The following CCDC15 variants were observed in gnomAD, a reference collection of about 807,000 sequenced individuals.
The protein encoded by CCDC15 is coiled-coil domain-containing protein 15.
CCDC15 carries 105 observed loss-of-function variants against 114.5 expected under a neutral mutation model. The ratio of observed to expected loss-of-function variants is 0.92; its 90% CI spans 0.78 to 1.08. The LOEUF (loss-of-function observed/expected upper bound fraction) is 1.08. Among genes scored for constraint, CCDC15 ranks in the 50% least tolerant of loss-of-function variants. CCDC15 has a pLI of 0.00. For missense variants in CCDC15, 1,105 were observed against 1,093.6 expected (o/e 1.01, Z -0.15); for synonymous variants, 334 against 377.8 (o/e 0.88, Z 1.34).
chr11:124,982,188 CAT>C lies in CCDC15; in HGVS notation c.754-4551_754-4550del, dbSNP rs569416093. Among the ~76,000 whole-genome samples, 291 of 152,282 alleles carry C rather than the reference CAT, an allele frequency of 1.9e-3. 3 individuals carry two copies. Among genetic ancestry groups the C allele is most frequent in the Middle Eastern group, 6.8e-3 (2 of 294 alleles). Reference sequence around the variant, plus strand: ...TACTTTGAGCCTATTGGTGTCATTTCATATGAGATGAGTCTCTTGTAGACAGC... The same window carrying C: ...TACTTTGAGCCTATTGGTGTCATTTCATGAGATGAGTCTCTTGTAGACAGC... On this transcript the variant is annotated intron_variant, in intron 6 of 15. Coordinates refer to ENST00000344762, the MANE Select transcript of CCDC15 (RefSeq NM_025004.3).
intron 13 of CCDC15, among the ~76,000 whole-genome samples, chr11:125,033,050 T>C (rs932553527): frequency 6.6e-6 from 1 of 152,194 alleles, no homozygotes; most frequent in Non-Finnish European, 1.5e-5. Flanking sequence ...GTTGGTAGTA[T>C]AGTGGGGTCC....
At chr11:125,002,551 T>G (rs916114543) in intron 11 of CCDC15, among the ~76,000 whole-genome samples, 1 of 152,172 alleles carries the variant, frequency 6.6e-6, no homozygotes, top group African/African-American at 2.4e-5. Context: ...AGGCCTATGA[T>G]GCATTTTGAG....
In CCDC15 at chr11:125,038,515, A is replaced by C; in HGVS notation, c.2496A>C (p.Gly832=). ...RMNFHEDPYS[G]EKLSEILAQL... is the part of the protein sequence containing the mutation. Reference sequence around the variant, plus strand: ...ACTTTCATGAAGATCCATATTCAGGAGAGAAGTTGAGTGAGATATTAGCCC... The same window carrying C: ...ACTTTCATGAAGATCCATATTCAGGCGAGAAGTTGAGTGAGATATTAGCCC... The change falls in exon 14 of 16, where the codon GGA becomes GGC. Residue 832 remains glycine (G), a synonymous_variant. Coordinates refer to ENST00000344762, the MANE Select transcript of CCDC15 (RefSeq NM_025004.3). The C allele has an allele frequency of 6.3e-7, 1 of 1,586,986 alleles. No individual in the cohort carries two copies. The highest frequency in any genetic ancestry group is 1.2e-5 in the South Asian group (1 of 86,608).
intron 11 of CCDC15, among the ~76,000 whole-genome samples, chr11:125,002,074 C>T (rs571708209): frequency 1.4e-4 from 21 of 152,216 alleles, no homozygotes; most frequent in African/African-American, 5.1e-4. Flanking sequence ...TTGTTATTAT[C>T]TGTATTTTTA....
intron 13 of CCDC15, among the ~76,000 whole-genome samples, chr11:125,027,328 G>A (rs1948710068): frequency 6.6e-6 from 1 of 152,128 alleles, no homozygotes; most frequent in African/African-American, 2.4e-5. Flanking sequence ...GTTTTCCATA[G>A]TGGTTGCACT....
chr11:124,966,660 A>T (rs534357995), intron 4 of CCDC15, among the ~76,000 whole-genome samples: 29 of 152,238 alleles, frequency 1.9e-4, no homozygotes, highest in African/African-American at 7.0e-4. Flanking sequence ...TAATATTGTT[A>T]TGTGTGAATT....
In CCDC15 at chr11:124,959,206, G is replaced by A. The variant is rs1305927332; in HGVS notation, c.269G>A (p.Arg90Gln). The change falls in exon 3 of 16, where the codon CGA (arginine) becomes CAA (glutamine). Residue 90 changes from arginine (R) to glutamine (Q), a missense_variant. Arg to Gln is a conservative substitution (Grantham distance 43, BLOSUM62 1). Coordinates refer to ENST00000344762, the MANE Select transcript of CCDC15 (RefSeq NM_025004.3). ...LKHFQKQVKYRVNQQIRLRKK... is the reference protein window; with the variant it reads ...LKHFQKQVKYQVNQQIRLRKK... ...CATTTTCAGAAACAAGTTAAATACC[G>A]AGTAAATCAACAAATTAGGTTGAGA... 7 of 1,589,060 alleles carry A rather than the reference G, an allele frequency of 4.4e-6. No homozygotes were observed. Among genetic ancestry groups the A allele is most frequent in the East Asian group, 2.3e-5 (1 of 44,258 alleles).
intron 12 of CCDC15, 22 bp downstream of exon 12, chr11:125,003,981 GGAT>G: frequency 8.3e-7 from 1 of 1,205,004 alleles, no homozygotes; most frequent in Non-Finnish European, 1.1e-6. Context: ...TACTGCTTTT[GGAT>G]CCCAATATTT....
chr11:124,959,692 C>A, intron 3 of CCDC15, 123 bp from the exon 4 acceptor site: 1 of 674,416 alleles, frequency 1.5e-6, no homozygotes, highest in Non-Finnish European at 2.4e-6. Flanking sequence ...GTTTCTCTGC[C>A]AGCTAAAGCC....
At position 125,025,023 on chromosome 11, in the gene CCDC15, A is replaced by AAT. The variant is rs376099423; in HGVS notation, c.2412-13399_2412-13398dup. Among the ~76,000 whole-genome samples, 9 of 95,482 alleles carry AAT rather than the reference A, an allele frequency of 9.4e-5. No homozygotes were observed. In the East Asian group the frequency reaches 3.2e-3, roughly 34 times the overall value. 62.6% of individuals were successfully genotyped at this position (95,482 alleles called of 152,430 possible). On this transcript the variant is annotated intron_variant, in intron 13 of 15. Coordinates refer to ENST00000344762, the MANE Select transcript of CCDC15 (RefSeq NM_025004.3). ...TCATATATATATGAATATATATATG[A>AAT]ATATATATATGAATACATATGAATA... is the stretch of plus-strand genomic sequence containing the variant.
chr11:125,015,235 A>G (rs948561635), intron 13 of CCDC15, among the ~76,000 whole-genome samples: 1 of 152,152 alleles, frequency 6.6e-6, no homozygotes, highest in Admixed American at 6.5e-5. Context: ...AAAAAAAGCC[A>G]TAGGAATAAG....
At chr11:125,003,054 A>G (rs868716682) in intron 11 of CCDC15, among the ~76,000 whole-genome samples, 4 of 152,004 alleles carry the variant, frequency 2.6e-5, no homozygotes, top group Non-Finnish European at 4.4e-5. Context: ...TATATATATC[A>G]TCTTTCATTT....
chr11:124,986,754 G>C lies in CCDC15; in HGVS notation c.766G>C (p.Glu256Gln), dbSNP rs1195396105. 9.1e-6 allele frequency: 14 copies of C among 1,537,038 alleles called. No individual in the cohort carries two copies. Among genetic ancestry groups the C allele is most frequent in the Non-Finnish European group, 1.1e-5 (13 of 1,141,558 alleles). Residue 256 changes from glutamate to glutamine, a missense_variant, in exon 7 of 16, where the codon GAG becomes CAG. Coordinates refer to ENST00000344762, the MANE Select transcript of CCDC15 (RefSeq NM_025004.3). ...TTTTTTTCTTTAGGAACTTGACTAT[G>C]AGGAACCTGACTATGAGGAATCTTC... ...NYMENQELDY[E>Q]EPDYEESSSL...
At chr11:124,975,362 A>G (rs1323881512) in intron 5 of CCDC15, among the ~76,000 whole-genome samples, 153 bp downstream of exon 5, 1 of 152,222 alleles carries the variant, frequency 6.6e-6, no homozygotes, top group East Asian at 1.9e-4. Flanking sequence ...ATTGTGACAT[A>G]TCCATATGCA....
Position 124,987,467 on chromosome 11 carries a change from C to T in CCDC15, c.1241C>T (p.Pro414Leu). 2 of 1,613,948 alleles carry T rather than the reference C, an allele frequency of 1.2e-6. No individual in the cohort carries two copies. Among genetic ancestry groups the T allele is most frequent in the Non-Finnish European group, 1.7e-6 (2 of 1,179,884 alleles). The stretch of plus-strand genomic sequence containing the variant: ...GTGTTGAAAACCCAGGATTTTCTAC[C>T]CACAAATCAGGCTCTTCTAACGAAA... ...SIVLKTQDFLPTNQALLTKNQ... is the reference protein window; with the variant it reads ...SIVLKTQDFLLTNQALLTKNQ... The change falls in exon 8 of 16, where the codon CCC (proline) becomes CTC (leucine). Residue 414 changes from proline to leucine, a missense_variant. Physicochemically the swap from Pro to Leu is moderately conservative, Grantham distance 98 (BLOSUM62 -3). Coordinates refer to ENST00000344762, the MANE Select transcript of CCDC15 (RefSeq NM_025004.3).
At chr11:125,039,121 T>A in intron 15 of CCDC15, 52 bp downstream of exon 15, 1 of 1,487,820 alleles carries the variant, frequency 6.7e-7, no homozygotes, top group African/African-American at 1.4e-5. Context: ...GAAAAATAAA[T>A]AAGAGTAGTG....
chr11:124,977,690 C>G, intron 6 of CCDC15, 90 bp downstream of exon 6: 1 of 1,300,306 alleles, frequency 7.7e-7, no homozygotes, highest in Non-Finnish European at 1.0e-6. Flanking sequence ...GTTAAGATAT[C>G]CAGTATTTTT....
In CCDC15 at chr11:124,988,079, A is replaced by G. The variant is rs759329629; in HGVS notation, c.1853A>G (p.Asn618Ser). 3.1e-6 allele frequency: 5 copies of G among 1,613,868 alleles called. No individual in the cohort carries two copies. Among genetic ancestry groups the G allele is most frequent in the Non-Finnish European group, 4.2e-6 (5 of 1,179,896 alleles). The change falls in exon 8 of 16, where the codon AAC (asparagine) becomes AGC (serine). Residue 618 changes from asparagine (N) to serine (S), a missense_variant. Asn to Ser is a conservative substitution (Grantham distance 46, BLOSUM62 1). Coordinates refer to ENST00000344762, the MANE Select transcript of CCDC15 (RefSeq NM_025004.3). ...CCCAGAGACCTGCATGTTCTCTCCA[A>G]CGACCAGAATATTCTACCCAAATGT... ...FLPRDLHVLSNDQNILPKCQD... is the reference protein window; with the variant it reads ...FLPRDLHVLSSDQNILPKCQD...
Position 124,975,102 on chromosome 11 carries a change from GA to G in CCDC15, c.526del (p.Thr176LeufsTer2), listed in dbSNP as rs1947951650. The G allele has an allele frequency of 6.3e-7, 1 of 1,575,380 alleles. No homozygotes were observed. Among genetic ancestry groups the G allele is most frequent in the Non-Finnish European group, 8.6e-7 (1 of 1,163,958 alleles). On this transcript the variant is annotated frameshift_variant, in exon 5 of 16. Transcript: ENST00000344762. LOFTEE classifies it high-confidence loss of function. ...TTCCCCCTTTCCCTGGCAGCTTAGTGAAACTATGAAACAGGCACGTCACCGG... is the reference window on the plus strand; with the variant it reads ...TTCCCCCTTTCCCTGGCAGCTTAGTGAACTATGAAACAGGCACGTCACCGG... ...LFQQQAQALS[E>X]TMKQARHRLA... is the part of the protein sequence containing the mutation.
Sources: allele counts gnomAD v4.1 joint callset (sites outside exome capture counted in the v4.1 genomes callset), GRCh38; gene constraint gnomAD v4.1.1; transcripts MANE v1.5; gene names NCBI Gene and HGNC (gene_info 2026-07-23, HGNC 2026-07-21).